The following ANKH variants were observed in gnomAD, a reference collection of about 807,000 sequenced individuals.
ANKH encodes the protein ANKH inorganic pyrophosphate transport regulator.
A neutral mutation model predicts 49.0 loss-of-function variants in ANKH; 15 were observed. The ratio of observed to expected loss-of-function variants is 0.31; its 90% confidence interval spans 0.20 to 0.47. ANKH has a LOEUF of 0.47. Ranked by LOEUF, ANKH falls within the 20% of genes least tolerant of loss-of-function variation. ANKH has a pLI of 1.00. For missense variants in ANKH, 429 were observed against 652.0 expected, an observed-to-expected ratio of 0.66 and a Z score of 3.72; for synonymous variants, 273 against 260.0, an observed-to-expected ratio of 1.05 and a Z score of -0.48.
intron 1 of ANKH, among the ~76,000 whole-genome samples, chr5:14,777,639 C>A (rs1275176729): frequency 6.6e-6 from 1 of 152,134 alleles, no homozygotes; most frequent in African/African-American, 2.4e-5. Context: ...ACCAATTCAC[C>A]CCAATCCTGC....
Position 14,769,084 on chromosome 5 carries a change from G to A in ANKH, c.204C>T (p.Asp68=), listed in dbSNP as rs1434540901. 6.2e-7 allele frequency: 1 copy of A among 1,614,126 alleles called. No homozygotes were observed. The highest frequency in any genetic ancestry group is 1.7e-5 in the Admixed American group (1 of 60,012). The change falls in exon 2 of 12, where the codon GAC becomes GAT. Residue 68 remains aspartate, a synonymous_variant. Coordinates refer to ENST00000284268, the MANE Select transcript of ANKH (RefSeq NM_054027.6). ...LMKFFTGPMS[D]FKNVGLVFVN... ...CAAACACCAGGCCCACATTTTTGAA[G>A]TCACTCATGGGACCCGTGAAGAACT...
chr5:14,722,164 A>G (rs1158865601), intron 8 of ANKH, among the ~76,000 whole-genome samples: 4 of 152,208 alleles, frequency 2.6e-5, no homozygotes, highest in African/African-American at 9.7e-5. Context: ...GTCTCAACTC[A>G]GAACATGCCT....
At chr5:14,830,727 A>G (rs1016155212) in intron 1 of ANKH, among the ~76,000 whole-genome samples, 5 of 152,158 alleles carry the variant, frequency 3.3e-5, no homozygotes, top group African/African-American at 1.2e-4. Flanking sequence ...CTGCCTCTCC[A>G]CTGACCATTT....
In ANKH at chr5:14,721,632, T is replaced by G. The variant is rs1737662177; in HGVS notation, c.1012-4797A>C. On this transcript the variant is annotated intron_variant, in intron 8 of 11. Coordinates refer to ENST00000284268, the MANE Select transcript of ANKH (RefSeq NM_054027.6). ...TAACTTAGAAAGGAATACATTTAAC[T>G]TATAAGTGGATATGGTGAGCTGGGC... 2.0e-5 allele frequency among the ~76,000 whole-genome samples: 3 copies of G among 152,144 alleles called. No homozygotes were observed. The South Asian group carries it at 6.2e-4, about 31-fold the overall frequency.
At chr5:14,805,399 TG>T (rs1283185866) in intron 1 of ANKH, among the ~76,000 whole-genome samples, 2 of 21,622 alleles carry the variant, frequency 9.2e-5, no homozygotes, top group African/African-American at 4.6e-4. Context: ...TATATATACG[TG>T]TGTGTGTGTG....
intron 1 of ANKH, among the ~76,000 whole-genome samples, chr5:14,828,704 A>G (rs1387519742): frequency 1.3e-5 from 2 of 152,190 alleles, no homozygotes; most frequent in Non-Finnish European, 2.9e-5. Context: ...GTGAAAATAT[A>G]TTTAATGGCC....
chr5:14,711,421 T>TAAACCTTCTTATG, intron 11 of ANKH, 111 bp from the exon 12 acceptor site: 1 of 869,486 alleles, frequency 1.2e-6, no homozygotes. Context: ...ACTGTAGGCT[T>TAAACCTTCTTATG]AAACCTTCTT....
At chr5:14,739,761 C>T (rs763249645) in intron 8 of ANKH, among the ~76,000 whole-genome samples, 1 of 152,124 alleles carries the variant, frequency 6.6e-6, no homozygotes, top group Non-Finnish European at 1.5e-5. Flanking sequence ...GTCACTTGTC[C>T]GGTGTGAATC....
intron 4 of ANKH, among the ~76,000 whole-genome samples, chr5:14,755,501 G>A (rs16903693): frequency 0.046 from 7,050 of 152,262 alleles, 322 homozygotes; most frequent in Admixed American, 0.15. Flanking sequence ...GATAGGCCAC[G>A]CAGAGGGCAC....
intron 1 of ANKH, among the ~76,000 whole-genome samples, chr5:14,822,373 T>A (rs1037663745): frequency 6.6e-6 from 1 of 152,220 alleles, no homozygotes; most frequent in Non-Finnish European, 1.5e-5. Context: ...TATATGTGGC[T>A]CACATTACTT....
rs56196522 is a variant in ANKH at position 14,871,176 on chromosome 5, G to GGGGA, written c.96+172_96+175dup. 968 of 688,890 alleles carry GGGGA rather than the reference G, an allele frequency of 1.4e-3. 3 individuals are homozygous for GGGGA. The highest frequency in any genetic ancestry group is 1.8e-3 in the Non-Finnish European group (673 of 377,236). 42.7% of individuals were successfully genotyped at this position (688,890 alleles called of 1,614,324 possible). On this transcript the variant is annotated intron_variant, in intron 1 of 11. Transcript: ENST00000284268. ...CTGGAAAAGTCTGCTGAATAATTGAGGGGAGGGAGGGAGGGAATGGGGTGC... is the reference window on the plus strand; with the variant it reads ...CTGGAAAAGTCTGCTGAATAATTGAGGGGAGGGAGGGAGGGAGGGAATGGGGTGC...
chr5:14,819,900 TAC>T (rs57977744), intron 1 of ANKH, among the ~76,000 whole-genome samples: 12,441 of 145,308 alleles, frequency 0.086, 541 homozygotes, highest in Admixed American at 0.11. Context: ...AACAAAAATA[TAC>T]ACACACACAC....
chr5:14,792,672 C>T lies in ANKH; in HGVS notation c.97-23481G>A, dbSNP rs886488120. Among the ~76,000 whole-genome samples the T allele has an allele frequency of 1.5e-4, 23 of 151,752 alleles. 2 individuals carry two copies. The highest frequency in any genetic ancestry group is 1.1e-3 in the Admixed American group (17 of 15,196). On this transcript the variant is annotated intron_variant, in intron 1 of 11. Transcript: ENST00000284268. ...AACTGACTACTCATCCTTGAAGTTA[C>T]GTGAAATAAAAATAAAACAGGGCTG...
intron 1 of ANKH, chr5:14,797,211 T>C (rs1306372277): frequency 1.1e-5 from 15 of 1,334,454 alleles, no homozygotes; most frequent in Admixed American, 5.1e-5. Flanking sequence ...TTGCATGATA[T>C]TGTCTTCCGA....
Position 14,871,259 on chromosome 5 carries a change from G to A in ANKH, c.96+93C>T, listed in dbSNP as rs540232490. ...GACCAAATGTTTCAGGATAAAGAGG[G>A]ACTCGGAGCAGGTGACTCCCCTCCG... On this transcript the variant is annotated intron_variant, in intron 1 of 11. Transcript: ENST00000284268. 877 of 1,082,352 alleles carry A rather than the reference G, an allele frequency of 8.1e-4. 3 individuals carry two copies. The highest frequency in any genetic ancestry group is 1.1e-3 in the Non-Finnish European group (825 of 723,452). 67.0% of individuals were successfully genotyped at this position (1,082,352 alleles called of 1,614,324 possible).
rs756247158 is a variant in ANKH at position 14,745,972 on chromosome 5, G to A, written c.823-10C>T. 1 of 1,612,202 alleles carries A rather than the reference G, an allele frequency of 6.2e-7. No individual in the cohort carries two copies. Among genetic ancestry groups the A allele is most frequent in the South Asian group, 1.1e-5 (1 of 91,034 alleles). On this transcript the variant is annotated splice_polypyrimidine_tract_variant and intron_variant, in intron 6 of 11. Transcript: ENST00000284268. This position sits in a 1 kb window ranked among gnomAD's most constrained non-coding sequence, Gnocchi z 4.7. ...TCAAAATCGCCACTGCCTGCAACAG[G>A]AAGAGGTGGCAGAGTTAGCAGGGTA...
At chr5:14,857,110 C>T (rs1356639766) in intron 1 of ANKH, among the ~76,000 whole-genome samples, 1 of 152,126 alleles carries the variant, frequency 6.6e-6, no homozygotes, top group Non-Finnish European at 1.5e-5. Context: ...TATGTCTAAA[C>T]ACATTTGCAG....
chr5:14,780,894 T>C (rs1274696036), intron 1 of ANKH, among the ~76,000 whole-genome samples: 7 of 152,224 alleles, frequency 4.6e-5, no homozygotes, highest in African/African-American at 1.7e-4. Context: ...AAACTGACCA[T>C]TGTAGTAGAC....
intron 4 of ANKH, among the ~76,000 whole-genome samples, chr5:14,752,891 C>T (rs1042006983): frequency 2.0e-5 from 3 of 152,080 alleles, no homozygotes; most frequent in Non-Finnish European, 2.9e-5. Flanking sequence ...TGAGTAGAAG[C>T]CACCCTCCCA....
Sources: allele counts gnomAD v4.1 joint callset (sites outside exome capture counted in the v4.1 genomes callset), GRCh38; gene constraint gnomAD v4.1.1; non-coding constraint Gnocchi (gnomAD v3.1); transcripts MANE v1.5; gene names NCBI Gene and HGNC (gene_info 2026-07-23, HGNC 2026-07-21).